Variants in ALDH4A1 observed in about 807,000 individuals in gnomAD.
ALDH4A1 encodes the protein aldehyde dehydrogenase 4 family member A1.
Under a neutral mutation model 70.5 loss-of-function variants are expected in ALDH4A1, and 46 were observed. That is an observed-to-expected ratio of 0.65 (90% CI 0.51 to 0.83). The LOEUF (loss-of-function observed/expected upper bound fraction) is 0.83, where lower values mean the gene tolerates loss of function less well. Among genes scored for constraint, ALDH4A1 ranks in the 40% least tolerant of loss-of-function variants. The pLI, the probability that ALDH4A1 is intolerant of heterozygous loss-of-function variation, is 0.00. For missense variants in ALDH4A1, 749 were observed against 766.5 expected, an observed-to-expected ratio of 0.98 and a Z score of 0.27; for synonymous variants, 323 against 324.3, an observed-to-expected ratio of 1.00 and a Z score of 0.04.
intron 1 of ALDH4A1, among the ~76,000 whole-genome samples, chr1:18,892,846 T>C (rs1348316854): frequency 6.6e-6 from 1 of 152,000 alleles, no homozygotes; most frequent in Non-Finnish European, 1.5e-5. Flanking sequence ...TAACGATAAA[T>C]ACATTAAAAT....
chr1:18,878,983 C>T (rs1011117511), intron 9 of ALDH4A1, among the ~76,000 whole-genome samples: 4 of 152,202 alleles, frequency 2.6e-5, no homozygotes, highest in Admixed American at 1.3e-4. Flanking sequence ...ATGCCCGACA[C>T]GGCAGCCACC....
rs1244903859 is a variant in ALDH4A1 at position 18,880,269 on chromosome 1, A to G, written c.867-896T>C. On this transcript the variant is annotated intron_variant, in intron 8 of 14. Coordinates refer to ENST00000375341, the MANE Select transcript of ALDH4A1 (RefSeq NM_003748.4). The surrounding 1 kb of genome is among the most constrained non-coding windows in gnomAD (Gnocchi z 5.1). Reference sequence around the variant, plus strand: ...CAGACCCGGGCGTCTGGCTGCCTCCAGGCATCTCCACCCAGATAACACCCG... The same window carrying G: ...CAGACCCGGGCGTCTGGCTGCCTCCGGGCATCTCCACCCAGATAACACCCG... 6.6e-6 allele frequency among the ~76,000 whole-genome samples: 1 copy of G among 152,088 alleles called. No individual in the cohort carries two copies. The highest frequency in any genetic ancestry group is 1.5e-5 in the Non-Finnish European group (1 of 67,988).
At position 18,874,578 on chromosome 1, in the gene ALDH4A1, G is replaced by A. The variant is rs369003574; in HGVS notation, c.1464C>T (p.Asp488=). The A allele has an allele frequency of 8.5e-5, 137 of 1,614,000 alleles. No homozygotes were observed. The highest frequency in any genetic ancestry group is 1.6e-4 in the Middle Eastern group (1 of 6,082). Residue 488 remains aspartate, a synonymous_variant, in exon 14 of 15, where the codon GAC becomes GAT. Transcript: ENST00000375341. The part of the protein sequence containing the change: ...LTGAVFSQDK[D]VVQEATKVLR... The stretch of plus-strand genomic sequence containing the variant: ...GCACCTTTGTGGCCTCCTGCACGAC[G>A]TCCCTACAAAGCAGAGCAGTGGTGA...
intron 14 of ALDH4A1, among the ~76,000 whole-genome samples, chr1:18,874,052 G>A (rs1303014381): frequency 1.3e-5 from 2 of 152,220 alleles, no homozygotes; most frequent in African/African-American, 2.4e-5. Flanking sequence ...GAACTGGTCG[G>A]TGTGGGAAAC....
In ALDH4A1 at chr1:18,885,239, G is replaced by A. The variant is rs926605309; in HGVS notation, c.453+234C>T. On this transcript the variant is annotated intron_variant, in intron 5 of 14. Coordinates refer to ENST00000375341, the MANE Select transcript of ALDH4A1 (RefSeq NM_003748.4). ...GGCCTAGGAGCGAGGACAGAGGGAT[G>A]GAGGAGAGGGGACATTTCCGAGGCA... 1.0e-5 allele frequency: 6 copies of A among 582,838 alleles called. No homozygotes were observed. In the Admixed American group the frequency reaches 1.8e-4, roughly 17 times the overall value. The allele number at this position is 582,838 out of a possible 1,614,324, so 36.1% of individuals were successfully genotyped here.
chr1:18,885,254 T>C (rs1935146321), intron 5 of ALDH4A1: 1 of 594,404 alleles, frequency 1.7e-6, no homozygotes, highest in Non-Finnish European at 3.0e-6. Context: ...AGAGGGGACA[T>C]TTCCGAGGCA....
chr1:18,890,108 G>A lies in ALDH4A1; in HGVS notation c.63-3C>T. 10 of 1,608,954 alleles carry A rather than the reference G, an allele frequency of 6.2e-6. No individual in the cohort carries two copies. Among genetic ancestry groups the A allele is most frequent in the Non-Finnish European group, 8.5e-6 (10 of 1,177,628 alleles). On this transcript the variant is annotated splice_region_variant and splice_polypyrimidine_tract_variant and intron_variant, in intron 1 of 14. Transcript: ENST00000375341. Reference sequence around the variant, plus strand: ...AGGAGGTGTGCTTCCACCGCAGGCTGGAACACAAGGGCAGGGGACAGAGGC... The same window carrying A: ...AGGAGGTGTGCTTCCACCGCAGGCTAGAACACAAGGGCAGGGGACAGAGGC...
intron 1 of ALDH4A1, 53 bp downstream of exon 1, chr1:18,902,409 C>A: frequency 7.8e-7 from 1 of 1,289,186 alleles, no homozygotes; most frequent in African/African-American, 1.6e-5. Flanking sequence ...GACTCTCAGG[C>A]TCCCGGGCCC....
intron 8 of ALDH4A1, among the ~76,000 whole-genome samples, chr1:18,879,749 C>A (rs1257760130): frequency 6.6e-6 from 1 of 152,148 alleles, no homozygotes; most frequent in Non-Finnish European, 1.5e-5. Context: ...ACATGCTGGG[C>A]ACACTGCAGG....
At chr1:18,874,622 TC>T in intron 13 of ALDH4A1, 41 bp from the exon 14 acceptor site, 1 of 1,595,902 alleles carries the variant, frequency 6.3e-7, no homozygotes. Context: ...CCAGCTCATC[TC>T]CCCTCCAGCC....
intron 1 of ALDH4A1, among the ~76,000 whole-genome samples, chr1:18,891,923 G>A (rs958570239): frequency 1.3e-5 from 2 of 152,084 alleles, no homozygotes; most frequent in African/African-American, 4.8e-5. Context: ...AGCTACTTGG[G>A]AGGCTGAGGC....
chr1:18,882,728 C>T (rs568766720), intron 7 of ALDH4A1: 9 of 565,732 alleles, frequency 1.6e-5, no homozygotes, highest in Admixed American at 1.3e-4. Context: ...GCAGCAGGCA[C>T]GTGGTGAGCA....
chr1:18,882,535 C>A (rs1935022711), intron 7 of ALDH4A1: 1 of 527,766 alleles, frequency 1.9e-6, no homozygotes, highest in Non-Finnish European at 3.9e-6. Flanking sequence ...TACCATCAAC[C>A]CCGAGAGAGA....
chr1:18,890,948 G>T, intron 1 of ALDH4A1: 1 of 970,624 alleles, frequency 1.0e-6, no homozygotes, highest in Non-Finnish European at 1.2e-6. Flanking sequence ...CATGAACTTG[G>T]AGAGCTGCCC....
chr1:18,885,361 C>T (rs1412191324), intron 5 of ALDH4A1, 112 bp downstream of exon 5: 1 of 1,154,308 alleles, frequency 8.7e-7, no homozygotes. Flanking sequence ...TCTGGGTCCC[C>T]AAAAGGGCTT....
intron 1 of ALDH4A1, among the ~76,000 whole-genome samples, chr1:18,895,505 C>T (rs563002106): frequency 2.8e-4 from 42 of 152,292 alleles, no homozygotes; most frequent in African/African-American, 9.1e-4. Flanking sequence ...GAAGGCCATG[C>T]ACCATTTCAC....
chr1:18,892,566 G>A lies in ALDH4A1; in HGVS notation c.63-2461C>T, dbSNP rs112275527. ...TCCCAGGTAGAAGGAGGCGGGGGGG[G>A]GCTGAGAGGGGCCTGCGTGGTAGAG... On this transcript the variant is annotated intron_variant, in intron 1 of 14. Transcript: ENST00000375341. 1.0e-3 allele frequency among the ~76,000 whole-genome samples: 153 copies of A among 151,694 alleles called. 1 individual carries two copies. Among genetic ancestry groups the A allele is most frequent in the Middle Eastern group, 3.4e-3 (1 of 292 alleles).
At chr1:18,891,454 A>C (rs1224295336) in intron 1 of ALDH4A1, among the ~76,000 whole-genome samples, 1 of 152,164 alleles carries the variant, frequency 6.6e-6, no homozygotes, top group Non-Finnish European at 1.5e-5. Context: ...AGACAACCCG[A>C]ACAGCTGGAA....
At chr1:18,885,722 T>C (rs528494290) in intron 4 of ALDH4A1, 94 bp from the exon 5 acceptor site, 5 of 1,542,460 alleles carry the variant, frequency 3.2e-6, no homozygotes, top group Admixed American at 3.5e-5. Flanking sequence ...GGCCACTCTC[T>C]TCCATCCGGG....
Sources: gnomAD v4.1 joint callset for allele counts (sites outside exome capture counted in the v4.1 genomes callset) on GRCh38, gnomAD v4.1.1 for gene constraint, Gnocchi (gnomAD v3.1) non-coding constraint, MANE v1.5 for transcripts, NCBI Gene and HGNC (gene_info 2026-07-23, HGNC 2026-07-21) for gene names.